SOX5: variants seen among roughly 807,000 people sequenced by gnomAD.
SOX5 encodes transcription factor SOX-5.
SOX5 carries 9 observed loss-of-function variants against 92.0 expected under a neutral mutation model. The observed-to-expected ratio is 0.10, with a 90% CI of 0.06 to 0.17. The LOEUF (loss-of-function observed/expected upper bound fraction) is 0.17, where lower values mean the gene tolerates loss of function less well. SOX5 is among the 10% of genes least tolerant of loss of function. The probability of loss-of-function intolerance (pLI) is 1.00; values close to 1 mark genes in which losing one functional copy is unlikely to be tolerated. For synonymous variants in SOX5, 344 were observed against 336.3 expected, an observed-to-expected ratio of 1.02 and a Z score of -0.25; for missense variants, 642 against 944.5, an observed-to-expected ratio of 0.68 and a Z score of 4.20.
chr12:24,147,832 G>T (rs148550423), intron 4 of SOX5, among the ~76,000 whole-genome samples: 73 of 152,070 alleles, frequency 4.8e-4, no homozygotes, highest in African/African-American at 1.7e-3. Context: ...AAAACCTAAG[G>T]ATTAATCTAA....
At chr12:24,193,331 C>T (rs1220922614) in intron 4 of SOX5, among the ~76,000 whole-genome samples, 1 of 152,216 alleles carries the variant, frequency 6.6e-6, no homozygotes, top group Non-Finnish European at 1.5e-5. Flanking sequence ...CATGTCCACA[C>T]CTCATCTGAA....
intron 3 of SOX5, among the ~76,000 whole-genome samples, chr12:23,784,123 A>C (rs968161996): frequency 4.6e-5 from 7 of 152,166 alleles, no homozygotes; most frequent in African/African-American, 1.7e-4. Context: ...AGAAAGGAAA[A>C]AAAAAGTAAC....
At position 23,733,492 on chromosome 12, in the gene SOX5, AG is replaced by A. The variant is rs558135770; in HGVS notation, c.810+1191del. Among the ~76,000 whole-genome samples the A allele has an allele frequency of 1.6e-3, 244 of 152,228 alleles. 1 individual carries two copies. The highest frequency in any genetic ancestry group is 5.8e-3 in the South Asian group (28 of 4,826). ...GTGCTGATCCTAATTGCAGTTAAGG[AG>A]GGGAAATGTCCTCGGCTGGAACATC... On this transcript the variant is annotated intron_variant, in intron 6 of 14. Transcript: ENST00000451604.
intron 3 of SOX5, among the ~76,000 whole-genome samples, chr12:23,760,060 T>C (rs1271058815): frequency 6.6e-6 from 1 of 152,086 alleles, no homozygotes; most frequent in East Asian, 1.9e-4. Flanking sequence ...AAATTCCTCC[T>C]CCTGAGAGTT....
At chr12:24,133,996 C>G (rs1268419719) in intron 4 of SOX5, among the ~76,000 whole-genome samples, 1 of 152,118 alleles carries the variant, frequency 6.6e-6, no homozygotes, top group Non-Finnish European at 1.5e-5. Flanking sequence ...TTAGCTTGTT[C>G]TACTGAATCA....
At chr12:23,681,899 G>C (rs914446934) in intron 6 of SOX5, among the ~76,000 whole-genome samples, 1 of 151,608 alleles carries the variant, frequency 6.6e-6, no homozygotes, top group Non-Finnish European at 1.5e-5. Context: ...AATAATTTTT[G>C]TTATATCCAT....
chr12:23,602,391 C>T (rs1039153901), intron 9 of SOX5, among the ~76,000 whole-genome samples: 3 of 152,060 alleles, frequency 2.0e-5, no homozygotes, highest in East Asian at 1.9e-4. Context: ...ATCATTGTAG[C>T]GACTGCTCAA....
chr12:24,459,485 A>G (rs1207062177), intron 1 of SOX5, among the ~76,000 whole-genome samples: 1 of 152,236 alleles, frequency 6.6e-6, no homozygotes, highest in Non-Finnish European at 1.5e-5. Context: ...CCAGTTAAAT[A>G]TAAGTACGAT....
chr12:24,173,248 C>CGAGCCAT (rs1954403810), intron 4 of SOX5, among the ~76,000 whole-genome samples: 1 of 152,234 alleles, frequency 6.6e-6, no homozygotes, highest in African/African-American at 2.4e-5. Context: ...AAAGAAGTAT[C>CGAGCCAT]TGCAAACAAG....
intron 1 of SOX5, among the ~76,000 whole-genome samples, chr12:24,470,422 G>A (rs1437651008): frequency 1.3e-5 from 2 of 152,092 alleles, no homozygotes; most frequent in African/African-American, 2.4e-5. Context: ...AATGTTCAAC[G>A]GTGAGGACAG....
chr12:24,393,343 T>C lies in SOX5; in HGVS notation c.-250-24704A>G, dbSNP rs1959175845. On this transcript the variant is annotated intron_variant, in intron 1 of 4. Coordinates refer to the SOX5 transcript ENST00000446891. This position sits in a 1 kb window ranked among gnomAD's most constrained non-coding sequence, Gnocchi z 5.0. ...GCTGCTGCAAAATCATGCTGCTGAC[T>C]TTTTGGGTTGTGGTCTTGCCATTGG... is the stretch of plus-strand genomic sequence containing the variant. Among the ~76,000 whole-genome samples the C allele has an allele frequency of 6.6e-6, 1 of 152,206 alleles. No individual in the cohort carries two copies. The highest frequency in any genetic ancestry group is 2.1e-4 in the South Asian group (1 of 4,838).
chr12:23,582,219 T>C, intron 9 of SOX5: 1 of 985,152 alleles, frequency 1.0e-6, no homozygotes, highest in Non-Finnish European at 1.2e-6. Flanking sequence ...CTCTATGGAC[T>C]GTGGGAGCCC....
intron 4 of SOX5, among the ~76,000 whole-genome samples, chr12:24,104,984 TAAG>T (rs1380932242): frequency 6.6e-6 from 1 of 152,238 alleles, no homozygotes; most frequent in Non-Finnish European, 1.5e-5. Context: ...GAACAGTCTC[TAAG>T]TCTCTATATA....
At chr12:24,237,048 A>G (rs1476922942) in intron 3 of SOX5, among the ~76,000 whole-genome samples, 1 of 152,180 alleles carries the variant, frequency 6.6e-6, no homozygotes, top group East Asian at 1.9e-4. Context: ...AGAAAATGAG[A>G]AGCTGCCAAG....
intron 4 of SOX5, among the ~76,000 whole-genome samples, chr12:24,085,709 T>C (rs1386910786): frequency 1.3e-5 from 2 of 152,018 alleles, no homozygotes; most frequent in Non-Finnish European, 2.9e-5. Context: ...GTAATTCTTA[T>C]AACAAAATGA....
intron 7 of SOX5, among the ~76,000 whole-genome samples, chr12:23,661,712 C>T (rs1338133806): frequency 6.6e-6 from 1 of 152,152 alleles, no homozygotes; most frequent in Middle Eastern, 3.2e-3. Context: ...GTTTAGGATA[C>T]TACTCAGACT....
At chr12:23,558,049 GACAA>G (rs1431460240) in intron 11 of SOX5, among the ~76,000 whole-genome samples, 1 of 150,856 alleles carries the variant, frequency 6.6e-6, no homozygotes, top group Non-Finnish European at 1.5e-5. Flanking sequence ...ACAATTATAA[GACAA>G]ACAAAACAAA....
chr12:23,725,277 G>T (rs74970442), intron 6 of SOX5, among the ~76,000 whole-genome samples: 15,347 of 152,170 alleles, frequency 0.1, 859 homozygotes, highest in South Asian at 0.13. Context: ...AATTTATAAA[G>T]GAAAGAAGTT....
chr12:23,797,285 G>T (rs2095581197), intron 3 of SOX5, among the ~76,000 whole-genome samples: 1 of 151,944 alleles, frequency 6.6e-6, no homozygotes, highest in African/African-American at 2.4e-5. Flanking sequence ...TTTTTGGGCA[G>T]TGGTTCAAAT....
Sources: allele counts gnomAD v4.1 joint callset (sites outside exome capture counted in the v4.1 genomes callset), GRCh38; gene constraint gnomAD v4.1.1; non-coding constraint Gnocchi (gnomAD v3.1); transcripts MANE v1.5; gene names NCBI Gene and HGNC (gene_info 2026-07-23, HGNC 2026-07-21).